The following ACTR3B variants were observed in gnomAD, a reference collection of about 807,000 sequenced individuals.
ACTR3B encodes actin related protein 3B.
ACTR3B carries 8 observed loss-of-function variants against 59.0 expected under a neutral mutation model. The ratio of observed to expected loss-of-function variants is 0.14; its 90% CI spans 0.08 to 0.24. ACTR3B has a LOEUF of 0.24. Ranked by LOEUF, ACTR3B falls within the 10% of genes least tolerant of loss-of-function variation. The pLI is 1.00. For missense variants in ACTR3B, 245 were observed against 552.3 expected (o/e 0.44, Z 5.58); for synonymous variants, 148 against 197.9 (o/e 0.75, Z 2.12).
rs530081286 is a variant in ACTR3B at position 152,842,537 on chromosome 7, G to A, written c.952-9589G>A. 5.9e-5 allele frequency among the ~76,000 whole-genome samples: 9 copies of A among 151,550 alleles called. No homozygotes were observed. The South Asian group carries it at 1.9e-3, about 32-fold the overall frequency. On this transcript the variant is annotated intron_variant, in intron 9 of 11. Transcript: ENST00000256001. ...CGTGGAGCGGGAGCCGCAGATAATG[G>A]GGGGCTGCTGGAAATGGAGTGCTCC... is the stretch of plus-strand genomic sequence containing the variant.
At chr7:152,830,162 G>C (rs1796913570) in intron 9 of ACTR3B, among the ~76,000 whole-genome samples, 1 of 152,212 alleles carries the variant, frequency 6.6e-6, no homozygotes, top group South Asian at 2.1e-4. Flanking sequence ...TGAGAGCTTG[G>C]CCTGCAGAGC....
Position 152,854,548 on chromosome 7 carries a change from T to C in ACTR3B, c.1252T>C (p.Ser418Pro). ...CRHNPVFGVM[S>P] The stretch of plus-strand genomic sequence containing the variant: ...CCACAACCCCGTCTTTGGAGTCATG[T>C]CCTAGTGTCTGCCTGAACGCGTCGT... Residue 418 changes from serine to proline, a missense_variant, in exon 12 of 12, where the codon TCC becomes CCC. This residue lies in a region of ACTR3B where 153 missense variants were observed against 266.2 expected (regional missense o/e 0.57). Coordinates refer to ENST00000256001, the MANE Select transcript of ACTR3B (RefSeq NM_020445.6). This position sits in a 1 kb window ranked among gnomAD's most constrained non-coding sequence, Gnocchi z 4.9. The C allele has an allele frequency of 6.2e-7, 1 of 1,614,020 alleles. No homozygotes were observed. Among genetic ancestry groups the C allele is most frequent in the Non-Finnish European group, 8.5e-7 (1 of 1,179,944 alleles).
intron 9 of ACTR3B, among the ~76,000 whole-genome samples, chr7:152,828,811 A>G (rs11490834): frequency 0.53 from 79,659 of 151,300 alleles, 22,858 homozygotes; most frequent in East Asian, 0.71. Context: ...CCACAGCCTC[A>G]TTTGGTCAGC....
At chr7:152,825,752 T>C (rs1384656218) in intron 9 of ACTR3B, among the ~76,000 whole-genome samples, 3 of 152,150 alleles carry the variant, frequency 2.0e-5, no homozygotes, top group South Asian at 2.1e-4. Flanking sequence ...GTGAATTCCA[T>C]TGGTTTCGTT....
chr7:152,792,409 A>G (rs1214631066), intron 2 of ACTR3B, among the ~76,000 whole-genome samples: 2 of 151,790 alleles, frequency 1.3e-5, no homozygotes, highest in Non-Finnish European at 2.9e-5. Context: ...CTCTTTAGAG[A>G]ACTTCCTTTA....
At chr7:152,795,588 G>T (rs13312333) in intron 2 of ACTR3B, among the ~76,000 whole-genome samples, 1 of 152,176 alleles carries the variant, frequency 6.6e-6, no homozygotes, top group African/African-American at 2.4e-5. Flanking sequence ...AGGTAACAGG[G>T]TAAATGCTTT....
intron 9 of ACTR3B, among the ~76,000 whole-genome samples, chr7:152,848,288 T>C (rs1348079295): frequency 1.3e-5 from 2 of 152,158 alleles, no homozygotes; most frequent in Non-Finnish European, 2.9e-5. Context: ...GGGACAGCTC[T>C]CAGACACCCC....
At chr7:152,806,253 A>T (rs191518408) in intron 4 of ACTR3B, among the ~76,000 whole-genome samples, 20 of 152,302 alleles carry the variant, frequency 1.3e-4, no homozygotes, top group Admixed American at 4.6e-4. Context: ...ATGAAATGGG[A>T]GGTTGAGGAA....
intron 9 of ACTR3B, among the ~76,000 whole-genome samples, chr7:152,833,220 A>G (rs1281808577): frequency 6.6e-6 from 1 of 152,204 alleles, no homozygotes; most frequent in Non-Finnish European, 1.5e-5. Flanking sequence ...AATCCTTGTA[A>G]GAAATTTGCC....
At chr7:152,769,820 T>C (rs2098119777) in intron 1 of ACTR3B, among the ~76,000 whole-genome samples, 1 of 151,796 alleles carries the variant, frequency 6.6e-6, no homozygotes. Flanking sequence ...TGAAATTAGC[T>C]TGCATCTCTT....
At chr7:152,821,276 G>A (rs1286746053) in intron 7 of ACTR3B, among the ~76,000 whole-genome samples, 2 of 152,096 alleles carry the variant, frequency 1.3e-5, no homozygotes, top group Admixed American at 6.5e-5. Flanking sequence ...CTCCATGGAA[G>A]AATATTTGAC....
intron 1 of ACTR3B, among the ~76,000 whole-genome samples, chr7:152,770,331 G>A (rs1313492877): frequency 6.6e-6 from 1 of 152,188 alleles, no homozygotes; most frequent in African/African-American, 2.4e-5. Flanking sequence ...CTAAGCATAG[G>A]TTTCTGAAGG....
intron 9 of ACTR3B, among the ~76,000 whole-genome samples, chr7:152,849,309 G>A (rs1798611117): frequency 1.3e-5 from 2 of 152,174 alleles, no homozygotes; most frequent in African/African-American, 2.4e-5. Flanking sequence ...GAAGTGTGGG[G>A]CCGACACCAA....
At chr7:152,782,749 C>T (rs1286610271) in intron 1 of ACTR3B, among the ~76,000 whole-genome samples, 1 of 151,684 alleles carries the variant, frequency 6.6e-6, no homozygotes, top group East Asian at 1.9e-4. Flanking sequence ...TGGAATTAGC[C>T]TGCATATGTA....
intron 1 of ACTR3B, among the ~76,000 whole-genome samples, chr7:152,766,369 C>T (rs2098110557): frequency 1.3e-5 from 2 of 152,208 alleles, no homozygotes; most frequent in Non-Finnish European, 2.9e-5. Flanking sequence ...TGCAGGCACC[C>T]TGTGCATAGC....
intron 4 of ACTR3B, chr7:152,813,462 G>C (rs538871292): frequency 6.6e-6 from 1 of 152,246 alleles, no homozygotes; most frequent in African/African-American, 2.4e-5. Flanking sequence ...TAGATACTTG[G>C]ATTCTTGGAA....
intron 2 of ACTR3B, among the ~76,000 whole-genome samples, chr7:152,795,844 T>G (rs754060982): frequency 0.01 from 1,406 of 139,372 alleles, 10 homozygotes; most frequent in Non-Finnish European, 0.015. Context: ...TTAGTAGCTC[T>G]TGTTTTTTTT....
chr7:152,777,254 T>C (rs1489793416), intron 1 of ACTR3B, among the ~76,000 whole-genome samples: 1 of 152,208 alleles, frequency 6.6e-6, no homozygotes, highest in Non-Finnish European at 1.5e-5. Context: ...GATTTAGTGA[T>C]ATTCAATATT....
At chr7:152,819,432 T>C (rs1264756000) in intron 6 of ACTR3B, among the ~76,000 whole-genome samples, 1 of 152,226 alleles carries the variant, frequency 6.6e-6, no homozygotes, top group Non-Finnish European at 1.5e-5. Flanking sequence ...GTGGGCGTTG[T>C]CCACTCTGAC....
Sources: gnomAD v4.1 joint callset for allele counts (sites outside exome capture counted in the v4.1 genomes callset) on GRCh38, gnomAD v4.1.1 for gene constraint, gnomAD v4.1.1 regional missense constraint, Gnocchi (gnomAD v3.1) non-coding constraint, MANE v1.5 for transcripts, NCBI Gene and HGNC (gene_info 2026-07-23, HGNC 2026-07-21) for gene names.